MGST1: variants seen among roughly 807,000 people sequenced by gnomAD.
MGST1 encodes the protein microsomal glutathione S-transferase 1.
Under a neutral mutation model 8.9 loss-of-function variants are expected in MGST1, and 5 were observed. The ratio of observed to expected loss-of-function variants is 0.56; its 90% CI spans 0.29 to 1.19. The LOEUF (loss-of-function observed/expected upper bound fraction) is 1.19, where lower values mean the gene tolerates loss of function less well. MGST1 is among the 50% of genes most tolerant of loss of function. MGST1 has a pLI of 0.08. For synonymous variants in MGST1, 54 were observed against 67.8 expected (o/e 0.80, Z 1.00); for missense variants, 182 against 187.4 (o/e 0.97, Z 0.17).
At chr12:16,521,108 C>A (rs1431385675) in intron 4 of MGST1, among the ~76,000 whole-genome samples, 2 of 152,126 alleles carry the variant, frequency 1.3e-5, no homozygotes, top group Non-Finnish European at 2.9e-5. Flanking sequence ...TAGGTACTCC[C>A]CTTTAGCTAG....
intron 4 of MGST1, among the ~76,000 whole-genome samples, chr12:16,460,482 A>T (rs1941209804): frequency 6.6e-6 from 1 of 152,042 alleles, no homozygotes; most frequent in Non-Finnish European, 1.5e-5. Flanking sequence ...CCTTCTTTAA[A>T]GATTTTGGTT....
intron 1 of MGST1, chr12:16,400,736 C>T: frequency 7.8e-7 from 1 of 1,289,004 alleles, no homozygotes; most frequent in Non-Finnish European, 1.1e-6. Context: ...AGTATAATCT[C>T]CTTCCACGGA....
At chr12:16,355,981 A>G (rs1435804220) in intron 2 of MGST1, among the ~76,000 whole-genome samples, 1 of 152,158 alleles carries the variant, frequency 6.6e-6, no homozygotes, top group Non-Finnish European at 1.5e-5. Flanking sequence ...TGACTTGCAG[A>G]TGGCCATCTT....
At chr12:16,373,083 A>T (rs898530415) in intron 3 of MGST1, among the ~76,000 whole-genome samples, 4 of 143,548 alleles carry the variant, frequency 2.8e-5, no homozygotes, top group African/African-American at 1.0e-4. Context: ...GCCATAAAAA[A>T]AATTCTGTCA....
At chr12:16,368,608 T>C (rs1940234878), downstream of MGST1, among the ~76,000 whole-genome samples, 1 of 152,130 alleles carries the variant, frequency 6.6e-6, no homozygotes, top group African/African-American at 2.4e-5. Context: ...GGAGGAGTTG[T>C]CAAAGGCAGA....
chr12:16,562,699 G>A (rs1267030160), intron 4 of MGST1, among the ~76,000 whole-genome samples: 2 of 152,188 alleles, frequency 1.3e-5, no homozygotes, highest in African/African-American at 4.8e-5. Context: ...CTGCTATACT[G>A]TGAACAACCC....
chr12:16,430,666 A>G (rs1348040028), intron 1 of MGST1, among the ~76,000 whole-genome samples: 1 of 152,138 alleles, frequency 6.6e-6, no homozygotes, highest in Non-Finnish European at 1.5e-5. Context: ...TATTCAGTTA[A>G]TAGTGCTATA....
intron 1 of MGST1, among the ~76,000 whole-genome samples, chr12:16,404,619 T>A (rs758143313): frequency 1.3e-5 from 2 of 152,170 alleles, no homozygotes; most frequent in African/African-American, 2.4e-5. Context: ...TTAGCCAATA[T>A]TTTTAACCTT....
intron 4 of MGST1, among the ~76,000 whole-genome samples, chr12:16,575,708 T>G (rs1942972262): frequency 6.6e-6 from 1 of 152,146 alleles, no homozygotes; most frequent in African/African-American, 2.4e-5. Flanking sequence ...GGATTTCCCC[T>G]CTTGTGTCAA....
chr12:16,478,055 G>A (rs1242422273), intron 4 of MGST1, among the ~76,000 whole-genome samples: 1 of 152,134 alleles, frequency 6.6e-6, no homozygotes, highest in Non-Finnish European at 1.5e-5. Flanking sequence ...TTTTGAGGTG[G>A]AATCTTGCTC....
intron 1 of MGST1, among the ~76,000 whole-genome samples, chr12:16,433,688 A>G (rs948525391): frequency 6.6e-6 from 1 of 152,112 alleles, no homozygotes; most frequent in South Asian, 2.1e-4. Context: ...AACATTCAGA[A>G]TAATGTTTTA....
At position 16,473,264 on chromosome 12, in the gene MGST1, C is replaced by A. The variant is rs956541599; in HGVS notation, n.482+89660C>A. 2.6e-5 allele frequency among the ~76,000 whole-genome samples: 4 copies of A among 152,136 alleles called. 1 individual carries two copies. The South Asian group carries it at 8.3e-4, about 32-fold the overall frequency. On this transcript the variant is annotated intron_variant and non_coding_transcript_variant, in intron 4 of 4. Coordinates refer to the MGST1 transcript ENST00000538857. ...GTCAACACTGTGGGGTTGGTACAGG[C>A]ATATAGGAGTTAGTGGCCTGAGATG... is the stretch of plus-strand genomic sequence containing the variant.
At chr12:16,451,221 ACAATTTAT>A (rs1941125919) in intron 4 of MGST1, among the ~76,000 whole-genome samples, 1 of 151,862 alleles carries the variant, frequency 6.6e-6, no homozygotes, top group African/African-American at 2.4e-5. Flanking sequence ...AAGCAATCAA[ACAATTTAT>A]TTTCAGTATA....
intron 4 of MGST1, among the ~76,000 whole-genome samples, chr12:16,564,744 T>C (rs1942530645): frequency 6.6e-6 from 1 of 152,154 alleles, no homozygotes; most frequent in African/African-American, 2.4e-5. Flanking sequence ...AAAGATCAGA[T>C]CAGTAGTCAA....
At chr12:16,355,031 C>T (rs1423196667) in intron 2 of MGST1, among the ~76,000 whole-genome samples, 1 of 151,700 alleles carries the variant, frequency 6.6e-6, no homozygotes, top group African/African-American at 2.4e-5. Flanking sequence ...GCGCGTAGAG[C>T]GAGGTTCCCT....
intron 4 of MGST1, among the ~76,000 whole-genome samples, chr12:16,464,203 C>A (rs1269144653): frequency 3.3e-5 from 5 of 152,196 alleles, no homozygotes. Context: ...ACCGCAGTTA[C>A]TATGAAACAC....
At chr12:16,567,601 T>C (rs1419104332) in intron 4 of MGST1, 1 of 152,218 alleles carries the variant, frequency 6.6e-6, no homozygotes, top group South Asian at 2.1e-4. Context: ...GAAGCCTCTA[T>C]GTGGTCAAGA....
chr12:16,391,576 C>T (rs1244298740), intron 1 of MGST1, among the ~76,000 whole-genome samples: 1 of 152,016 alleles, frequency 6.6e-6, no homozygotes, highest in Non-Finnish European at 1.5e-5. Flanking sequence ...ATGCCTTTGC[C>T]CACTTCTTAA....
exon 4 of MGST1, chr12:16,376,147 C>G: frequency 7.9e-7 from 1 of 1,271,598 alleles, no homozygotes; most frequent in Non-Finnish European, 1.1e-6. Flanking sequence ...GAGCATTTAT[C>G]TTGCCTCTTC....
Sources: gnomAD v4.1 joint callset for allele counts (sites outside exome capture counted in the v4.1 genomes callset) on GRCh38, gnomAD v4.1.1 for gene constraint, MANE v1.5 for transcripts, NCBI Gene and HGNC (gene_info 2026-07-23, HGNC 2026-07-21) for gene names.